The following PELP1 variants were observed in gnomAD, a reference collection of about 807,000 sequenced individuals.
PELP1 encodes proline-, glutamic acid- and leucine-rich protein 1.
In PELP1, 32 loss-of-function variants were observed where a neutral mutation model predicts 95.5. The observed-to-expected ratio is 0.34, with a 90% CI of 0.25 to 0.45. The LOEUF (loss-of-function observed/expected upper bound fraction) is 0.45. PELP1 is among the 20% of genes least tolerant of loss of function. The pLI, the probability that PELP1 is intolerant of heterozygous loss-of-function variation, is 1.00. For missense variants in PELP1, 1,358 were observed against 1,444.8 expected (o/e 0.94, Z 0.97); for synonymous variants, 668 against 600.1 (o/e 1.11, Z -1.65).
In PELP1 at chr17:4,682,882, T is replaced by G. The variant is rs1265275253; in HGVS notation, c.491A>C (p.Gln164Pro). 1.9e-6 allele frequency: 3 copies of G among 1,597,032 alleles called. No homozygotes were observed. The African/African-American group carries it at 4.0e-5, about 21-fold the overall frequency. Residue 164 changes from glutamine (Q) to proline (P), a missense_variant, in exon 4 of 17, where the codon CAG (glutamine) becomes CCG (proline). Gln to Pro is a moderately conservative substitution (Grantham distance 76). This residue lies in a region of PELP1 where 538 missense variants were observed against 628.1 expected (regional missense o/e 0.86). Transcript: ENST00000572293. The part of the protein sequence containing the change: ...VLRDLLRYAA[Q>P]LPALFRDISM... ...GATGTCCCGGAACAGTGCAGGCAGCTGGGCTGCATATCGGAGGAGGTCCCT... is the reference window on the plus strand; with the variant it reads ...GATGTCCCGGAACAGTGCAGGCAGCGGGGCTGCATATCGGAGGAGGTCCCT...
intron 4 of PELP1, 24 bp downstream of exon 4, chr17:4,682,779 G>T (rs748574851): frequency 6.5e-6 from 10 of 1,547,806 alleles, no homozygotes; most frequent in African/African-American, 1.4e-5. Flanking sequence ...GGGCCATGGG[G>T]AAGGGTCCAG....
intron 5 of PELP1, among the ~76,000 whole-genome samples, chr17:4,679,871 T>C (rs149904977): frequency 6.6e-6 from 1 of 152,328 alleles, no homozygotes; most frequent in East Asian, 1.9e-4. Context: ...AGAACTAGCA[T>C]CTGCTCAGGC....
intron 3 of PELP1, among the ~76,000 whole-genome samples, chr17:4,686,919 T>G (rs566546844): frequency 6.6e-6 from 1 of 152,176 alleles, no homozygotes; most frequent in African/African-American, 2.4e-5. Context: ...ACCCTTAGCA[T>G]GGTCTATAAG....
At position 4,674,569 on chromosome 17, in the gene PELP1, G is replaced by A; in HGVS notation, c.1523C>T (p.Pro508Leu). The change falls in exon 13 of 17, where the codon CCA (proline) becomes CTA (leucine). Residue 508 changes from proline to leucine, a missense_variant. Pro to Leu is a moderately conservative substitution (Grantham distance 98). Around this residue, in one of 7 missense-constraint regions of PELP1, gnomAD observed 538 missense variants for 628.1 expected, o/e 0.86. Coordinates refer to ENST00000572293, the MANE Select transcript of PELP1 (RefSeq NM_014389.3). The stretch of plus-strand genomic sequence containing the variant: ...ATTGCTATCCCCTTTCCGGTGGCTT[G>A]GCGGGGCCATAGCTTCCCCCACATC... ...KLDVGEAMAPPSHRKGDSNAN... is the reference protein window; with the variant it reads ...KLDVGEAMAPLSHRKGDSNAN... 1 of 1,612,510 alleles carries A rather than the reference G, an allele frequency of 6.2e-7. No individual in the cohort carries two copies. Among genetic ancestry groups the A allele is most frequent in the Non-Finnish European group, 8.5e-7 (1 of 1,179,418 alleles).
Position 4,692,139 on chromosome 17 carries a change from T to C in PELP1, c.250-697A>G, listed in dbSNP as rs547241328. Among the ~76,000 whole-genome samples the C allele has an allele frequency of 6.0e-4, 92 of 152,248 alleles. 1 individual carries two copies. Among genetic ancestry groups the C allele is most frequent in the Non-Finnish European group, 8.8e-5 (6 of 68,018 alleles). On this transcript the variant is annotated intron_variant, in intron 1 of 16. Transcript: ENST00000572293. ...AATAAAATTAATAAGGTCTCTCCCT[T>C]TTGTGGAGGGAAATATTTATTCGTT...
rs551338045 is a variant in PELP1, at chr17:4,674,554, C to G, written c.1538G>C (p.Gly513Ala). 2.5e-6 allele frequency: 4 copies of G among 1,613,238 alleles called. No individual in the cohort carries two copies. In the Admixed American group the frequency reaches 5.0e-5, roughly 20 times the overall value. ...CACGTCGCTGTTGGCATTGCTATCC[C>G]CTTTCCGGTGGCTTGGCGGGGCCAT... ...EAMAPPSHRK[G>A]DSNANSDVCA... The change falls in exon 13 of 17, where the codon GGG (glycine) becomes GCG (alanine). Residue 513 changes from glycine (G) to alanine (A), a missense_variant. Gly to Ala is a moderately conservative substitution (Grantham distance 60, BLOSUM62 0). Transcript: ENST00000572293.
At chr17:4,686,344 A>C (rs1269780670) in intron 3 of PELP1, among the ~76,000 whole-genome samples, 2 of 152,080 alleles carry the variant, frequency 1.3e-5, no homozygotes, top group African/African-American at 4.8e-5. Flanking sequence ...TGCCACTCTG[A>C]CACTAAATCT....
intron 1 of PELP1, among the ~76,000 whole-genome samples, chr17:4,698,470 TA>T (rs57709047): frequency 3.6e-4 from 51 of 140,438 alleles, no homozygotes; most frequent in Non-Finnish European, 4.5e-4. Flanking sequence ...CCATCGCTAC[TA>T]AAAAAAAAAA....
chr17:4,684,857 T>C (rs1567664889), intron 3 of PELP1, among the ~76,000 whole-genome samples: 1 of 152,074 alleles, frequency 6.6e-6, no homozygotes, highest in African/African-American at 2.4e-5. Flanking sequence ...CATGCCACCA[T>C]GCCCAGTTAA....
intron 1 of PELP1, among the ~76,000 whole-genome samples, chr17:4,693,045 G>A (rs1913170961): frequency 6.6e-6 from 1 of 152,118 alleles, no homozygotes; most frequent in Admixed American, 6.6e-5. Context: ...GAGACCTAAA[G>A]GAAAGTGAGA....
At chr17:4,683,046 C>A (rs1227453948) in intron 3 of PELP1, 94 bp from the exon 4 acceptor site, 1 of 1,368,472 alleles carries the variant, frequency 7.3e-7, no homozygotes. Flanking sequence ...AGGAATGCCA[C>A]GGTTAATGTC....
chr17:4,674,424 G>T, intron 13 of PELP1, 86 bp downstream of exon 13: 2 of 1,269,340 alleles, frequency 1.6e-6, no homozygotes, highest in Non-Finnish European at 2.2e-6. Flanking sequence ...TTTCACCTAA[G>T]GGTATAGTAG....
chr17:4,672,699 G>T lies in PELP1; in HGVS notation c.2292C>A (p.Ala764=). ...CCTCCTCCTTGTCATAGTGGACAAAGGCTGGTCTGGGCACTCTCCCCCCAA... is the reference window on the plus strand; with the variant it reads ...CCTCCTCCTTGTCATAGTGGACAAATGCTGGTCTGGGCACTCTCCCCCCAA... ...ETFGGRVPRP[A]FVHYDKEEAS... Residue 764 remains alanine (A), a synonymous_variant, in exon 16 of 17, where the codon GCC becomes GCA. Coordinates refer to ENST00000572293, the MANE Select transcript of PELP1 (RefSeq NM_014389.3). The T allele has an allele frequency of 6.2e-7, 1 of 1,613,374 alleles. No individual in the cohort carries two copies. Among genetic ancestry groups the T allele is most frequent in the Non-Finnish European group, 8.5e-7 (1 of 1,179,654 alleles).
In PELP1 at chr17:4,683,339, G is replaced by C. The variant is rs572540479; in HGVS notation, c.421-387C>G. Among the ~76,000 whole-genome samples the C allele has an allele frequency of 3.2e-3, 476 of 150,520 alleles. 2 individuals are homozygous for C. The highest frequency in any genetic ancestry group is 7.5e-3 in the Admixed American group (112 of 15,022). On this transcript the variant is annotated intron_variant, in intron 3 of 16. Transcript: ENST00000572293. ...GGGTTCACGCCATTCTCCTGCCTCA[G>C]CCTCCCGAGTAGCTGAGACTACAAG... is the stretch of plus-strand genomic sequence containing the variant.
At chr17:4,696,149 G>T (rs540093092) in intron 1 of PELP1, among the ~76,000 whole-genome samples, 1 of 151,964 alleles carries the variant, frequency 6.6e-6, no homozygotes, top group East Asian at 1.9e-4. Flanking sequence ...GCAACCGAGG[G>T]AGACCCCCAT....
intron 3 of PELP1, among the ~76,000 whole-genome samples, chr17:4,686,464 T>G (rs532683105): frequency 1.3e-5 from 2 of 152,174 alleles, no homozygotes; most frequent in Non-Finnish European, 2.9e-5. Flanking sequence ...AGTTTCTGCT[T>G]CCAATCTGTT....
chr17:4,699,493 G>A (rs1415370338), intron 1 of PELP1, among the ~76,000 whole-genome samples: 3 of 152,142 alleles, frequency 2.0e-5, no homozygotes, highest in Non-Finnish European at 4.4e-5. Context: ...GCTAAAAGAA[G>A]AAGAAGGAGA....
rs373980317 is a variant in PELP1 at position 4,683,363 on chromosome 17, A to C, written c.421-411T>G. On this transcript the variant is annotated intron_variant, in intron 3 of 16. Transcript: ENST00000572293. Reference sequence around the variant, plus strand: ...AGCCTCCCGAGTAGCTGAGACTACAAGCGCCCGCCACCACGCCTGACTAAT... The same window carrying C: ...AGCCTCCCGAGTAGCTGAGACTACACGCGCCCGCCACCACGCCTGACTAAT... Among the ~76,000 whole-genome samples the C allele has an allele frequency of 6.0e-5, 9 of 150,478 alleles. No individual in the cohort carries two copies. In the East Asian group the frequency reaches 1.2e-3, roughly 20 times the overall value.
intron 5 of PELP1, among the ~76,000 whole-genome samples, chr17:4,678,595 A>G (rs183156998): frequency 6.6e-6 from 1 of 152,328 alleles, no homozygotes; most frequent in East Asian, 1.9e-4. Context: ...CACAAAGCAA[A>G]CCAAAGCAAT....
Sources: allele counts gnomAD v4.1 joint callset (sites outside exome capture counted in the v4.1 genomes callset), GRCh38; gene constraint gnomAD v4.1.1; regional missense constraint gnomAD v4.1.1; transcripts MANE v1.5; gene names NCBI Gene and HGNC (gene_info 2026-07-23, HGNC 2026-07-21).